EPB41L4A: variants seen among roughly 807,000 people sequenced by gnomAD.
EPB41L4A encodes the protein band 4.1-like protein 4A.
In EPB41L4A, 100 loss-of-function variants were observed where a neutral mutation model predicts 108.6. The ratio of observed to expected loss-of-function variants is 0.92; its 90% CI spans 0.78 to 1.09. The LOEUF (loss-of-function observed/expected upper bound fraction) is 1.09. Ranked by LOEUF, EPB41L4A falls within the 50% of genes least tolerant of loss-of-function variation. The probability of loss-of-function intolerance (pLI) is 0.00; values close to 1 mark genes in which losing one functional copy is unlikely to be tolerated. For synonymous variants in EPB41L4A, 319 were observed against 289.0 expected (o/e 1.10, Z -1.05); for missense variants, 1,030 against 842.7 (o/e 1.22, Z -2.75).
chr5:112,150,649 A>C (rs1253588548), intron 12 of EPB41L4A, among the ~76,000 whole-genome samples: 1 of 152,194 alleles, frequency 6.6e-6, no homozygotes, highest in African/African-American at 2.4e-5. Context: ...CTCATATTGT[A>C]ATAAAATTCA....
At chr5:112,307,020 G>C (rs1754732858) in intron 2 of EPB41L4A, among the ~76,000 whole-genome samples, 1 of 151,800 alleles carries the variant, frequency 6.6e-6, no homozygotes, top group East Asian at 1.9e-4. Flanking sequence ...TTTCTTAAAA[G>C]GCAATTAATA....
chr5:112,261,877 A>G (rs115820404), intron 7 of EPB41L4A, among the ~76,000 whole-genome samples: 3,590 of 145,110 alleles, frequency 0.025, 88 homozygotes, highest in African/African-American at 0.067. Flanking sequence ...ACAGTCAATT[A>G]CACACCAATT....
intron 18 of EPB41L4A, among the ~76,000 whole-genome samples, chr5:112,172,255 A>C (rs1446118204): frequency 6.6e-6 from 1 of 152,212 alleles, no homozygotes; most frequent in East Asian, 1.9e-4. Context: ...TCAAGCCTGT[A>C]ATCCCAGCAC....
At chr5:112,414,090 C>T (rs143181133) in intron 1 of EPB41L4A, among the ~76,000 whole-genome samples, 2 of 152,236 alleles carry the variant, frequency 1.3e-5, no homozygotes, top group East Asian at 1.9e-4. Flanking sequence ...AAGTAATTAG[C>T]GGTGCCAAAA....
At chr5:112,211,408 C>A (rs924908912) in intron 12 of EPB41L4A, among the ~76,000 whole-genome samples, 1 of 152,150 alleles carries the variant, frequency 6.6e-6, no homozygotes, top group Non-Finnish European at 1.5e-5. Flanking sequence ...AAGGCAAAAC[C>A]CCATCTCTAC....
chr5:112,222,640 T>C (rs1308031013), intron 12 of EPB41L4A, among the ~76,000 whole-genome samples: 3 of 152,170 alleles, frequency 2.0e-5, no homozygotes, highest in Non-Finnish European at 2.9e-5. Flanking sequence ...CATTCTTCTT[T>C]CTCTGCAAAC....
chr5:112,218,595 T>C (rs1431434983), intron 12 of EPB41L4A, among the ~76,000 whole-genome samples: 1 of 152,198 alleles, frequency 6.6e-6, no homozygotes, highest in African/African-American at 2.4e-5. Flanking sequence ...GCTGGTTCTG[T>C]CTCAGAGGAG....
chr5:112,404,835 G>T (rs940663653), intron 1 of EPB41L4A, among the ~76,000 whole-genome samples: 1 of 152,060 alleles, frequency 6.6e-6, no homozygotes, highest in Non-Finnish European at 1.5e-5. Context: ...CAGATCCCCC[G>T]TCTTCCTCCA....
chr5:112,208,660 C>A (rs1391989045), intron 13 of EPB41L4A, among the ~76,000 whole-genome samples: 1 of 152,164 alleles, frequency 6.6e-6, no homozygotes, highest in Admixed American at 6.5e-5. Flanking sequence ...ATACACCAAA[C>A]CTCAGTGATA....
At chr5:112,252,667 G>A (rs1291513068) in intron 9 of EPB41L4A, among the ~76,000 whole-genome samples, 2 of 152,038 alleles carry the variant, frequency 1.3e-5, no homozygotes, top group African/African-American at 4.8e-5. Flanking sequence ...TGAACATGAA[G>A]ATGGAAACAA....
At chr5:112,341,412 G>A (rs1299832810) in intron 1 of EPB41L4A, among the ~76,000 whole-genome samples, 6 of 152,042 alleles carry the variant, frequency 3.9e-5, no homozygotes, top group East Asian at 3.9e-4. Context: ...ATTCGGTACC[G>A]TTGGTCCAAA....
chr5:112,326,761 C>T (rs1756190381), intron 1 of EPB41L4A, among the ~76,000 whole-genome samples: 1 of 152,174 alleles, frequency 6.6e-6, no homozygotes, highest in African/African-American at 2.4e-5. Context: ...CCCTGCTTGT[C>T]TCTACTTTTA....
At chr5:112,161,238 C>T, downstream of EPB41L4A, 1 of 289,488 alleles carries the variant, frequency 3.5e-6, no homozygotes, top group South Asian at 3.0e-5. Context: ...AAGCAGCGTG[C>T]CTGGTTACAG....
chr5:112,215,893 G>A (rs762179949), intron 12 of EPB41L4A, among the ~76,000 whole-genome samples: 12 of 152,162 alleles, frequency 7.9e-5, no homozygotes, highest in Non-Finnish European at 1.2e-4. Flanking sequence ...CTAGCTCATG[G>A]CCTGTGATAT....
chr5:112,300,807 A>G (rs1195806766), intron 2 of EPB41L4A, among the ~76,000 whole-genome samples: 1 of 152,140 alleles, frequency 6.6e-6, no homozygotes, highest in Admixed American at 6.6e-5. Context: ...CACTTAATGT[A>G]ATCTCACATT....
chr5:112,329,257 C>A (rs949290643), intron 1 of EPB41L4A, among the ~76,000 whole-genome samples: 1 of 152,012 alleles, frequency 6.6e-6, no homozygotes, highest in East Asian at 1.9e-4. Flanking sequence ...TTAAAATCAT[C>A]CTTTTTACTT....
At chr5:112,406,785 C>T (rs923698016) in intron 1 of EPB41L4A, among the ~76,000 whole-genome samples, 2 of 152,056 alleles carry the variant, frequency 1.3e-5, no homozygotes, top group Middle Eastern at 3.4e-3. Context: ...TGAGTGAGCA[C>T]CAAAAAAAGA....
chr5:112,419,335 G>A (rs1762934762), upstream of EPB41L4A: 1 of 336,600 alleles, frequency 3.0e-6, no homozygotes, highest in African/African-American at 2.3e-5. Context: ...TCCTCCGAAG[G>A]CGGGGGCGCG....
intron 4 of EPB41L4A, among the ~76,000 whole-genome samples, chr5:112,268,162 A>T (rs1751997339): frequency 6.6e-6 from 1 of 152,200 alleles, no homozygotes; most frequent in Admixed American, 6.5e-5. Context: ...CAGGTGGATC[A>T]CCTGAGATCA....
Sources: gnomAD v4.1 joint callset for allele counts (sites outside exome capture counted in the v4.1 genomes callset) on GRCh38, gnomAD v4.1.1 for gene constraint, MANE v1.5 for transcripts, NCBI Gene and HGNC (gene_info 2026-07-23, HGNC 2026-07-21) for gene names.